The following MGAT4A variants were observed in gnomAD, a reference collection of about 807,000 sequenced individuals.
MGAT4A encodes the protein N-acetylglucosaminyltransferase IVa.
MGAT4A carries 33 observed loss-of-function variants against 74.1 expected under a neutral mutation model. The observed-to-expected ratio is 0.45, with a 90% CI of 0.34 to 0.60. The LOEUF (loss-of-function observed/expected upper bound fraction) is 0.60. MGAT4A is among the 20% of genes least tolerant of loss of function. The pLI is 0.02. For synonymous variants in MGAT4A, 198 were observed against 210.4 expected, an observed-to-expected ratio of 0.94 and a Z score of 0.51; for missense variants, 479 against 628.3, an observed-to-expected ratio of 0.76 and a Z score of 2.54.
At chr2:98,657,474 A>C (rs1040015319) in intron 6 of MGAT4A, among the ~76,000 whole-genome samples, 1 of 152,226 alleles carries the variant, frequency 6.6e-6, no homozygotes, top group Non-Finnish European at 1.5e-5. Flanking sequence ...ACTTCAGGAA[A>C]ACCAAACAAA....
intron 6 of MGAT4A, among the ~76,000 whole-genome samples, chr2:98,657,624 A>G (rs941757622): frequency 6.6e-6 from 1 of 152,190 alleles, no homozygotes; most frequent in Non-Finnish European, 1.5e-5. Flanking sequence ...AGTAGAAGGT[A>G]TATCTTTTAG....
chr2:98,669,809 A>T (rs757497483), intron 4 of MGAT4A, among the ~76,000 whole-genome samples: 5 of 152,268 alleles, frequency 3.3e-5, no homozygotes, highest in Non-Finnish European at 5.9e-5. Context: ...GGATATAATT[A>T]TTAATAGCCC....
chr2:98,712,846 C>G (rs1266338545), intron 2 of MGAT4A, among the ~76,000 whole-genome samples: 1 of 152,162 alleles, frequency 6.6e-6, no homozygotes, highest in Non-Finnish European at 1.5e-5. Flanking sequence ...AGTGGAAATA[C>G]ACAGAACAGA....
At chr2:98,636,379 CA>C (rs1210988754) in intron 13 of MGAT4A, 137 bp downstream of exon 13, 104 of 636,460 alleles carry the variant, frequency 1.6e-4, no homozygotes, top group South Asian at 2.6e-4. Context: ...CTTCATATTT[CA>C]AAAAAAATTA....
In MGAT4A at chr2:98,620,698, C is replaced by T. The variant is rs1009442123; in HGVS notation, c.*4868G>A. 2.6e-5 allele frequency: 4 copies of T among 152,176 alleles called. No individual in the cohort carries two copies. Among genetic ancestry groups the T allele is most frequent in the Non-Finnish European group, 5.9e-5 (4 of 68,040 alleles). 9.4% of individuals were successfully genotyped at this position (152,176 alleles called of 1,614,324 possible). ...TCCCTCGATACACAGATTATCTGAT[C>T]TCTACAAGGCAAAGGTTATTTTTGC... On this transcript the variant is annotated 3_prime_UTR_variant, in exon 16 of 16. Coordinates refer to ENST00000393487, the MANE Select transcript of MGAT4A (RefSeq NM_012214.3).
chr2:98,712,194 C>A (rs749845939), intron 2 of MGAT4A, among the ~76,000 whole-genome samples: 1 of 152,188 alleles, frequency 6.6e-6, no homozygotes, highest in Non-Finnish European at 1.5e-5. Flanking sequence ...ATTAACACAG[C>A]GAATACCTTT....
chr2:98,643,336 A>T (rs940230563), intron 10 of MGAT4A, among the ~76,000 whole-genome samples: 4 of 152,150 alleles, frequency 2.6e-5, no homozygotes, highest in African/African-American at 9.7e-5. Context: ...ATTACTCTTA[A>T]CAATAAGATC....
Position 98,620,385 on chromosome 2 carries a change from C to CT in MGAT4A, c.*5180dup, listed in dbSNP as rs1575235116. The CT allele has an allele frequency of 6.6e-6, 1 of 152,180 alleles. No homozygotes were observed. Among genetic ancestry groups the CT allele is most frequent in the African/African-American group, 2.4e-5 (1 of 41,448 alleles). The allele number at this position is 152,180 out of a possible 1,614,324, so 9.4% of individuals were successfully genotyped here. ...GACTGGATAAAGTTCCCTTAAAACA[C>CT]TAAGGTATGGTTATGACTCACATTT... On this transcript the variant is annotated 3_prime_UTR_variant, in exon 16 of 16. Coordinates refer to ENST00000393487, the MANE Select transcript of MGAT4A (RefSeq NM_012214.3).
intron 2 of MGAT4A, among the ~76,000 whole-genome samples, chr2:98,680,848 T>C (rs56070038): frequency 0.24 from 36,043 of 152,220 alleles, 5,059 homozygotes; most frequent in Non-Finnish European, 0.32. Context: ...TGAAGAAAAG[T>C]ACAAGCTTTT....
intron 2 of MGAT4A, among the ~76,000 whole-genome samples, chr2:98,718,063 TATAGCTAACAGGA>T (rs2104332303): frequency 6.6e-6 from 1 of 152,368 alleles, no homozygotes; most frequent in Admixed American, 6.5e-5. Flanking sequence ...GTGTTTCTGT[TATAGCTAACAGGA>T]TATGAATCTG....
rs1701015404 is a variant in MGAT4A, at chr2:98,619,578, C to G, written c.*5988G>C. On this transcript the variant is annotated 3_prime_UTR_variant, in exon 16 of 16. Transcript: ENST00000393487. The stretch of plus-strand genomic sequence containing the variant: ...AATCTTTCTTAGAAAACATTACTGC[C>G]TACACTGAAATGAAAAGTATCAAAT... The G allele has an allele frequency of 1.3e-5, 2 of 152,128 alleles. No homozygotes were observed. Among genetic ancestry groups the G allele is most frequent in the Admixed American group, 6.6e-5 (1 of 15,264 alleles). 9.4% of individuals were successfully genotyped at this position (152,128 alleles called of 1,614,324 possible).
At chr2:98,705,803 C>T (rs1043371682) in intron 2 of MGAT4A, among the ~76,000 whole-genome samples, 5 of 151,786 alleles carry the variant, frequency 3.3e-5, no homozygotes, top group Non-Finnish European at 7.4e-5. Context: ...ATTAGCCGGG[C>T]GCGGTGGCGG....
rs141341375 is a variant in MGAT4A at position 98,678,320 on chromosome 2, C to T, written c.246G>A (p.Ala82=). The T allele has an allele frequency of 1.6e-5, 22 of 1,405,072 alleles. No individual in the cohort carries two copies. The East Asian group carries it at 1.8e-4, about 12-fold the overall frequency. The allele number at this position is 1,405,072 out of a possible 1,614,324, so 87.0% of individuals were successfully genotyped here. A position where few individuals can be genotyped will look rare whatever the true frequency, so the allele number is the denominator to read the frequency against. ...TGTTTGTACCTGAAAACTTATTCAA[C>T]GCATCCTTACTTCCATTTGTTTCTG... ...VGAETNGSKD[A]LNKFSDNTLK... The change falls in exon 3 of 16, where the codon GCG becomes GCA. Residue 82 remains alanine, a synonymous_variant. Transcript: ENST00000393487.
Position 98,621,356 on chromosome 2 carries a change from T to A in MGAT4A, c.*4210A>T, listed in dbSNP as rs1701057859. 2.6e-6 allele frequency: 4 copies of A among 1,525,716 alleles called. No individual in the cohort carries two copies. Among genetic ancestry groups the A allele is most frequent in the South Asian group, 2.5e-5 (2 of 81,030 alleles). 94.5% of individuals were successfully genotyped at this position (1,525,716 alleles called of 1,614,324 possible). The stretch of plus-strand genomic sequence containing the variant: ...TGGCTGTAGGACTGCAGTTCCCAGC[T>A]CCTTTGCTGTTAGCCAAGGCCTCTC... On this transcript the variant is annotated 3_prime_UTR_variant, in exon 16 of 16. Coordinates refer to ENST00000393487, the MANE Select transcript of MGAT4A (RefSeq NM_012214.3).
intron 7 of MGAT4A, 199 bp downstream of exon 7, chr2:98,656,153 A>T (rs964891836): frequency 1.0e-5 from 5 of 495,766 alleles, no homozygotes; most frequent in African/African-American, 2.0e-5. Context: ...AACACAGTAA[A>T]ATAAAAGCTA....
chr2:98,658,859 T>A (rs987199684), intron 5 of MGAT4A, among the ~76,000 whole-genome samples: 10 of 152,264 alleles, frequency 6.6e-5, no homozygotes, highest in Non-Finnish European at 1.5e-5. Flanking sequence ...TGCATATTTT[T>A]AAATTATGAA....
At chr2:98,660,066 G>A (rs1236124666) in intron 5 of MGAT4A, among the ~76,000 whole-genome samples, 6 of 151,994 alleles carry the variant, frequency 3.9e-5, no homozygotes, top group East Asian at 1.9e-4. Flanking sequence ...TACAAACATC[G>A]GTAGCATTTC....
chr2:98,626,452 T>C (rs984242999), intron 14 of MGAT4A, among the ~76,000 whole-genome samples: 17 of 152,218 alleles, frequency 1.1e-4, no homozygotes, highest in Non-Finnish European at 4.4e-5. Flanking sequence ...CTTTTCTTGC[T>C]ATCAGGAATA....
intron 2 of MGAT4A, among the ~76,000 whole-genome samples, chr2:98,714,112 G>A (rs1235103721): frequency 6.6e-6 from 1 of 152,078 alleles, no homozygotes; most frequent in Non-Finnish European, 1.5e-5. Flanking sequence ...CTTTGAGACG[G>A]AGTCTCGCTC....
Sources: gnomAD v4.1 joint callset for allele counts (sites outside exome capture counted in the v4.1 genomes callset) on GRCh38, gnomAD v4.1.1 for gene constraint, MANE v1.5 for transcripts, NCBI Gene and HGNC (gene_info 2026-07-23, HGNC 2026-07-21) for gene names.